Variants in CPA6 observed in about 807,000 individuals in gnomAD.
CPA6 encodes the protein carboxypeptidase B.
A neutral mutation model predicts 63.3 loss-of-function variants in CPA6; 58 were observed. That is an observed-to-expected ratio of 0.92 (90% confidence interval 0.74 to 1.14). The LOEUF (loss-of-function observed/expected upper bound fraction) is 1.14. CPA6 is among the 50% of genes most tolerant of loss of function. The pLI, the probability that CPA6 is intolerant of heterozygous loss-of-function variation, is 0.00. For synonymous variants in CPA6, 185 were observed against 179.0 expected, an observed-to-expected ratio of 1.03 and a Z score of -0.27; for missense variants, 565 against 526.6, an observed-to-expected ratio of 1.07 and a Z score of -0.71.
rs143107403 is a variant in CPA6 at position 67,434,159 on chromosome 8, G to A, written c.920C>T (p.Ala307Val). The A allele has an allele frequency of 1.6e-4, 265 of 1,614,080 alleles. 7 individuals are homozygous for A. In the South Asian group the frequency reaches 1.9e-3, roughly 12 times the overall value. The change falls in exon 9 of 11, where the codon GCT (alanine) becomes GTT (valine). Residue 307 changes from alanine (A) to valine (V), a missense_variant. Ala to Val is a moderately conservative substitution (Grantham distance 64, BLOSUM62 0). Coordinates refer to ENST00000297770, the MANE Select transcript of CPA6 (RefSeq NM_020361.5). ...CTTTCTGTGTTTTCGAAGGAAGTTA[G>A]CTACAGCCTTCACTTCCGGCTCAGA... is the stretch of plus-strand genomic sequence containing the variant. The part of the protein sequence containing the change: ...PESEPEVKAV[A>V]NFLRKHRKHI...
intron 1 of CPA6, among the ~76,000 whole-genome samples, chr8:67,702,669 A>G (rs1764776757): frequency 6.6e-6 from 1 of 152,180 alleles, no homozygotes; most frequent in Admixed American, 6.5e-5. Flanking sequence ...CTCCAAGAAT[A>G]CTTGAATGGT....
At chr8:67,745,828 C>A (rs1431536196) in intron 1 of CPA6, among the ~76,000 whole-genome samples, 186 bp downstream of exon 1, 1 of 152,162 alleles carries the variant, frequency 6.6e-6, no homozygotes, top group Non-Finnish European at 1.5e-5. Context: ...TTGGAGCCCA[C>A]CACATTCTCT....
intron 2 of CPA6, among the ~76,000 whole-genome samples, chr8:67,595,296 G>A (rs1224684377): frequency 6.6e-6 from 1 of 152,160 alleles, no homozygotes; most frequent in African/African-American, 2.4e-5. Flanking sequence ...CCCTGCTCGG[G>A]GGTGCCTCCC....
chr8:67,645,978 T>A (rs887695759), intron 1 of CPA6, among the ~76,000 whole-genome samples: 13 of 152,216 alleles, frequency 8.5e-5, no homozygotes, highest in African/African-American at 3.1e-4. Flanking sequence ...ACTCTGCTTA[T>A]CTTTAGGAAA....
At chr8:67,537,782 G>T (rs1325251914) in intron 2 of CPA6, among the ~76,000 whole-genome samples, 1 of 152,108 alleles carries the variant, frequency 6.6e-6, no homozygotes, top group Non-Finnish European at 1.5e-5. Context: ...TGATGTTAGG[G>T]TGTTGAATTT....
chr8:67,428,089 A>G lies in CPA6; in HGVS notation c.1084T>C (p.Tyr362His), dbSNP rs376830477. Reference protein sequence around the residue: ...YKAVNALQSVYGVRYRYGPAS... With the variant: ...YKAVNALQSVHGVRYRYGPAS... ...GGTCCATATCTGTATCGTACCCCGT[A>G]TACTGACTGAAGTGCATTCACAGCT... The change falls in exon 10 of 11, where the codon TAC becomes CAC. Residue 362 changes from tyrosine to histidine, a missense_variant. Physicochemically the swap from Tyr to His is moderately conservative, Grantham distance 83. Coordinates refer to ENST00000297770, the MANE Select transcript of CPA6 (RefSeq NM_020361.5). 1.1e-5 allele frequency: 18 copies of G among 1,613,510 alleles called. No individual in the cohort carries two copies. The highest frequency in any genetic ancestry group is 1.5e-5 in the Non-Finnish European group (18 of 1,179,534).
intron 8 of CPA6, among the ~76,000 whole-genome samples, chr8:67,471,136 C>T (rs1811047830): frequency 6.6e-6 from 1 of 152,202 alleles, no homozygotes; most frequent in Non-Finnish European, 1.5e-5. Flanking sequence ...AGACACTCTC[C>T]TGGCTCTTCC....
intron 2 of CPA6, among the ~76,000 whole-genome samples, chr8:67,520,813 C>T (rs975369830): frequency 7.2e-5 from 11 of 152,358 alleles, no homozygotes; most frequent in South Asian, 6.2e-4. Flanking sequence ...TGACCCAGTT[C>T]ATGTCTTCAG....
At position 67,636,219 on chromosome 8, in the gene CPA6, A is replaced by G. The variant is rs565159991; in HGVS notation, c.117-11968T>C. Among the ~76,000 whole-genome samples, 64 of 151,640 alleles carry G rather than the reference A, an allele frequency of 4.2e-4. 7 individuals carry two copies. The highest frequency in any genetic ancestry group is 1.5e-3 in the African/African-American group (63 of 40,966). On this transcript the variant is annotated intron_variant, in intron 1 of 10. Coordinates refer to ENST00000297770, the MANE Select transcript of CPA6 (RefSeq NM_020361.5). The stretch of plus-strand genomic sequence containing the variant: ...CAATTCTGCATGCCATGGGCAGCCT[A>G]TAATTATGAGGCAGATTCACCCCAA...
chr8:67,500,420 A>G (rs1464837965), intron 6 of CPA6, among the ~76,000 whole-genome samples: 1 of 152,112 alleles, frequency 6.6e-6, no homozygotes, highest in African/African-American at 2.4e-5. Context: ...GAGTTTATAT[A>G]TTCCAAATGA....
chr8:67,541,979 T>C (rs1443645117), intron 2 of CPA6, among the ~76,000 whole-genome samples: 1 of 152,240 alleles, frequency 6.6e-6, no homozygotes, highest in Non-Finnish European at 1.5e-5. Context: ...AAATATCTTA[T>C]GAGACAACGA....
intron 1 of CPA6, among the ~76,000 whole-genome samples, chr8:67,672,508 A>G (rs1816371759): frequency 6.6e-6 from 1 of 152,024 alleles, no homozygotes; most frequent in Non-Finnish European, 1.5e-5. Context: ...CACTCAGCCA[A>G]TCCATCATCG....
intron 2 of CPA6, among the ~76,000 whole-genome samples, chr8:67,616,477 A>T (rs116551990): frequency 1.1e-3 from 162 of 148,672 alleles, no homozygotes; most frequent in African/African-American, 3.9e-3. Context: ...GTCATCCTCC[A>T]TCTGGGATTT....
Position 67,616,029 on chromosome 8 carries a change from G to C in CPA6, c.192+8147C>G, listed in dbSNP as rs181706527. On this transcript the variant is annotated intron_variant, in intron 2 of 10. Transcript: ENST00000297770. ...GTGTTAGGCAGGGAGGTGCAATTTT[G>C]ACTGGCCCTATGGGTCACACCAAAG... Among the ~76,000 whole-genome samples, 251 of 152,264 alleles carry C rather than the reference G, an allele frequency of 1.6e-3. 2 individuals are homozygous for C. Among genetic ancestry groups the C allele is most frequent in the South Asian group, 2.9e-3 (14 of 4,826 alleles).
At chr8:67,691,386 C>T (rs1008684713) in intron 1 of CPA6, among the ~76,000 whole-genome samples, 2 of 152,212 alleles carry the variant, frequency 1.3e-5, no homozygotes, top group African/African-American at 2.4e-5. Context: ...GTCACTGGCA[C>T]GTGGCTGGAA....
intron 3 of CPA6, 33 bp from the exon 4 acceptor site, chr8:67,511,688 A>ATTTTTAGG: frequency 7.9e-7 from 1 of 1,273,342 alleles, no homozygotes; most frequent in Non-Finnish European, 1.1e-6. Context: ...GATGAAAAGT[A>ATTTTTAGG]AATTGAGATA....
chr8:67,635,063 A>C (rs976750449), intron 1 of CPA6, among the ~76,000 whole-genome samples: 6 of 151,190 alleles, frequency 4.0e-5, no homozygotes, highest in African/African-American at 1.5e-4. Flanking sequence ...TTTTTTAAAA[A>C]AAATTTTGTA....
intron 1 of CPA6, among the ~76,000 whole-genome samples, chr8:67,632,400 T>G (rs1367710804): frequency 6.6e-6 from 1 of 152,116 alleles, no homozygotes; most frequent in Non-Finnish European, 1.5e-5. Context: ...CTCAAACTCC[T>G]GGACTCAATT....
chr8:67,746,137 A>G lies in CPA6; in HGVS notation c.-8T>C, dbSNP rs376559739. The stretch of plus-strand genomic sequence containing the variant: ...CTTCCCGAGACACTTCATAGTGTTA[A>G]GAAGAGAGGAGTTGAAAGTTACTTA... On this transcript the variant is annotated 5_prime_UTR_variant, in exon 1 of 11. Coordinates refer to ENST00000297770, the MANE Select transcript of CPA6 (RefSeq NM_020361.5). 3 of 1,602,644 alleles carry G rather than the reference A, an allele frequency of 1.9e-6. No individual in the cohort carries two copies. Among genetic ancestry groups the G allele is most frequent in the African/African-American group, 1.3e-5 (1 of 74,698 alleles).
Sources: gnomAD v4.1 joint callset for allele counts (sites outside exome capture counted in the v4.1 genomes callset) on GRCh38, gnomAD v4.1.1 for gene constraint, MANE v1.5 for transcripts, NCBI Gene and HGNC (gene_info 2026-07-23, HGNC 2026-07-21) for gene names.